Variants in ELAVL4 observed in about 807,000 individuals in gnomAD.
The protein encoded by ELAVL4 is ELAV like RNA binding protein 4, also known as ELAV-like protein 4.
A neutral mutation model predicts 35.6 loss-of-function variants in ELAVL4; 1 was observed. The ratio of observed to expected loss-of-function variants is 0.03; its 90% CI spans 0.01 to 0.13. ELAVL4 has a LOEUF of 0.13. Ranked by LOEUF, ELAVL4 falls within the 10% of genes least tolerant of loss-of-function variation. The pLI is 1.00. For missense variants in ELAVL4, 267 were observed against 464.9 expected (o/e 0.57, Z 3.91); for synonymous variants, 156 against 171.0 (o/e 0.91, Z 0.69).
rs2148828407 is a variant in ELAVL4 at position 50,177,537 on chromosome 1, G to A, written c.354+345G>A. Among the ~76,000 whole-genome samples, 2 of 152,356 alleles carry A rather than the reference G, an allele frequency of 1.3e-5. 1 individual carries two copies. The highest frequency in any genetic ancestry group is 6.8e-3 in the Middle Eastern group (2 of 294). On this transcript the variant is annotated intron_variant, in intron 3 of 6. Coordinates refer to ENST00000371824, the MANE Select transcript of ELAVL4 (RefSeq NM_001144774.3). ...TGAGGCCAGGAAGCTGTTCCAGGCA[G>A]AGGAAACAGCACATGCAAAGCTGTG...
intron 2 of ELAVL4, among the ~76,000 whole-genome samples, chr1:50,146,079 A>G (rs1673657932): frequency 6.6e-6 from 1 of 152,120 alleles, no homozygotes. Context: ...CCAACTTTGA[A>G]TACTTGTCAG....
At chr1:50,143,060 A>G (rs553454110) in intron 1 of ELAVL4, among the ~76,000 whole-genome samples, 1 of 152,292 alleles carries the variant, frequency 6.6e-6, no homozygotes, top group South Asian at 2.1e-4. Context: ...AAATCTGTGG[A>G]CTAGAATTCA....
intron 1 of ELAVL4, among the ~76,000 whole-genome samples, chr1:50,117,517 C>T (rs1258633797): frequency 1.3e-5 from 2 of 152,124 alleles, no homozygotes; most frequent in African/African-American, 4.8e-5. Flanking sequence ...CCTAGCTCTT[C>T]CAGTTACTAA....
At chr1:50,138,359 G>A (rs1672245160) in intron 1 of ELAVL4, among the ~76,000 whole-genome samples, 1 of 152,112 alleles carries the variant, frequency 6.6e-6, no homozygotes, top group Non-Finnish European at 1.5e-5. Flanking sequence ...TTTTTCTGAG[G>A]ATATAGGGCC....
intron 1 of ELAVL4, among the ~76,000 whole-genome samples, chr1:50,078,501 C>T (rs1664866010): frequency 6.6e-6 from 1 of 152,074 alleles, no homozygotes; most frequent in South Asian, 2.1e-4. Flanking sequence ...TTACAGATGT[C>T]AAATTCGAAG....
chr1:50,113,521 A>G (rs1251369440), intron 1 of ELAVL4, among the ~76,000 whole-genome samples: 1 of 152,116 alleles, frequency 6.6e-6, no homozygotes, highest in Admixed American at 6.6e-5. Context: ...GTTAATTTAT[A>G]TGCCTAGACA....
chr1:50,174,747 C>T (rs938075396), intron 2 of ELAVL4: 2 of 151,880 alleles, frequency 1.3e-5, no homozygotes, highest in African/African-American at 4.8e-5. Context: ...AGGTCTAAAA[C>T]AAAAATAAAA....
At chr1:50,177,227 G>A (rs747034209) in intron 3 of ELAVL4, 35 bp downstream of exon 3, 2 of 1,504,918 alleles carry the variant, frequency 1.3e-6, no homozygotes, top group Non-Finnish European at 1.8e-6. Flanking sequence ...GATTCAGGAG[G>A]CTCTGGTTAA....
At chr1:50,101,427 A>G (rs552762368), upstream of ELAVL4, among the ~76,000 whole-genome samples, 14 of 152,346 alleles carry the variant, frequency 9.2e-5, no homozygotes, top group South Asian at 2.9e-3. Flanking sequence ...TAAATGAGAT[A>G]TCTTGAGGAC....
chr1:50,161,040 T>A (rs756607719), intron 2 of ELAVL4, among the ~76,000 whole-genome samples: 1 of 152,172 alleles, frequency 6.6e-6, no homozygotes, highest in African/African-American at 2.4e-5. Context: ...ACCTGATAAT[T>A]TTTTCTATCT....
intron 1 of ELAVL4, among the ~76,000 whole-genome samples, chr1:50,087,282 C>T (rs1167728983): frequency 6.6e-6 from 1 of 152,062 alleles, no homozygotes. Context: ...CAGAGAGGTA[C>T]AGAAAGGGCT....
intron 1 of ELAVL4, among the ~76,000 whole-genome samples, chr1:50,115,686 G>A (rs1354919853): frequency 3.3e-5 from 5 of 152,042 alleles, no homozygotes; most frequent in Non-Finnish European, 4.4e-5. Context: ...TTTGCACTTC[G>A]TAGCATTGAA....
At chr1:50,080,675 C>T (rs1026639213) in intron 1 of ELAVL4, among the ~76,000 whole-genome samples, 3 of 152,120 alleles carry the variant, frequency 2.0e-5, no homozygotes, top group Non-Finnish European at 4.4e-5. Flanking sequence ...TTGGGCATGT[C>T]GTTTCCTTTC....
In ELAVL4 at chr1:50,073,384, G is replaced by T. The variant is rs140316375; in HGVS notation, c.18+25202G>T. Among the ~76,000 whole-genome samples, 314 of 152,080 alleles carry T rather than the reference G, an allele frequency of 2.1e-3. 5 individuals are homozygous for T. The highest frequency in any genetic ancestry group is 7.3e-3 in the African/African-American group (303 of 41,482). On this transcript the variant is annotated intron_variant, in intron 1 of 6. Transcript: ENST00000448907. ...TATTATTTTAAAAAATCCTAATTGT[G>T]AGGCAAAAGTTATTTTAATCTCTAA...
At chr1:50,078,142 G>GTGTGTA (rs1030712388) in intron 1 of ELAVL4, among the ~76,000 whole-genome samples, 3 of 145,710 alleles carry the variant, frequency 2.1e-5, no homozygotes, top group African/African-American at 5.1e-5. Context: ...GTGTGTGTGT[G>GTGTGTA]TATATAGTAT....
Position 50,084,872 on chromosome 1 carries a change from A to T in ELAVL4, c.18+36690A>T, listed in dbSNP as rs142570959. ...ATAGCACTTCTTATAACTTACCATT[A>T]GTTCATTTTATTTGCCTTTTTATTG... On this transcript the variant is annotated intron_variant, in intron 1 of 6. Transcript: ENST00000448907. Among the ~76,000 whole-genome samples the T allele has an allele frequency of 4.6e-4, 70 of 152,208 alleles. 1 individual carries two copies. The highest frequency in any genetic ancestry group is 1.5e-3 in the African/African-American group (63 of 41,542).
chr1:50,096,500 G>A (rs1471955997), intron 1 of ELAVL4, among the ~76,000 whole-genome samples: 3 of 150,934 alleles, frequency 2.0e-5, no homozygotes, highest in African/African-American at 7.3e-5. Flanking sequence ...GAGGTATCAG[G>A]AAACTTAAAT....
chr1:50,119,611 A>G (rs9326010), intron 1 of ELAVL4, among the ~76,000 whole-genome samples: 1 of 151,828 alleles, frequency 6.6e-6, no homozygotes, highest in Non-Finnish European at 1.5e-5. Context: ...AGTAAGAACT[A>G]TTAAACAGGT....
chr1:50,144,690 T>C, intron 1 of ELAVL4: 3 of 638,550 alleles, frequency 4.7e-6, no homozygotes, highest in Non-Finnish European at 5.8e-6. Flanking sequence ...AAACAGGAAT[T>C]AGCTTTTCAT....
Sources: gnomAD v4.1 joint callset for allele counts (sites outside exome capture counted in the v4.1 genomes callset) on GRCh38, gnomAD v4.1.1 for gene constraint, MANE v1.5 for transcripts, NCBI Gene and HGNC (gene_info 2026-07-23, HGNC 2026-07-21) for gene names.